The following EML5 variants were observed in gnomAD, a reference collection of about 807,000 sequenced individuals.
EML5 encodes the protein EMAP like 5.
A neutral mutation model predicts 250.0 loss-of-function variants in EML5; 120 were observed. That is an observed-to-expected ratio of 0.48 (90% CI 0.41 to 0.56). EML5 has a LOEUF of 0.56. Ranked by LOEUF, EML5 falls within the 20% of genes least tolerant of loss-of-function variation. The pLI is 0.00. For synonymous variants in EML5, 771 were observed against 806.5 expected, an observed-to-expected ratio of 0.96 and a Z score of 0.75; for missense variants, 2,006 against 2,437.6, an observed-to-expected ratio of 0.82 and a Z score of 3.73.
intron 13 of EML5, among the ~76,000 whole-genome samples, chr14:88,703,969 T>C (rs1595586329): frequency 6.6e-6 from 1 of 152,356 alleles, no homozygotes; most frequent in East Asian, 1.9e-4. Flanking sequence ...GTGCTTATTA[T>C]GTGCCACATA....
intron 17 of EML5, among the ~76,000 whole-genome samples, chr14:88,690,067 A>T (rs76238189): frequency 0.012 from 1,773 of 152,252 alleles, 35 homozygotes; most frequent in African/African-American, 0.041. Flanking sequence ...AGAGTGTTCC[A>T]GGCAGAGGGA....
intron 1 of EML5, among the ~76,000 whole-genome samples, chr14:88,766,213 A>G (rs1247710429): frequency 6.6e-6 from 1 of 152,224 alleles, no homozygotes; most frequent in African/African-American, 2.4e-5. Flanking sequence ...GCACCTTGAA[A>G]AAAGAACAGG....
intron 2 of EML5, among the ~76,000 whole-genome samples, chr14:88,752,081 T>A (rs966811847): frequency 6.6e-6 from 1 of 152,162 alleles, no homozygotes; most frequent in South Asian, 2.1e-4. Flanking sequence ...TAATATGTTC[T>A]CATGAAGATC....
chr14:88,665,209 A>G, intron 22 of EML5, 128 bp downstream of exon 22: 1 of 996,920 alleles, frequency 1.0e-6, no homozygotes, highest in Non-Finnish European at 1.4e-6. Context: ...ACCTCTTGCT[A>G]CACTGCCTCT....
chr14:88,681,904 C>T lies in EML5; in HGVS notation c.3110G>A (p.Arg1037Gln), dbSNP rs760528994. 8.7e-6 allele frequency: 14 copies of T among 1,606,474 alleles called. No homozygotes were observed. Among genetic ancestry groups the T allele is most frequent in the Non-Finnish European group, 1.1e-5 (13 of 1,177,124 alleles). The change falls in exon 21 of 44, where the codon CGG becomes CAG. Residue 1037 changes from arginine (R) to glutamine (Q), a missense_variant. Physicochemically the swap from Arg to Gln is conservative, Grantham distance 43 (BLOSUM62 1). Around this residue, in one of 7 missense-constraint regions of EML5, gnomAD observed 1,375 missense variants for 1,590.3 expected, o/e 0.86. Transcript: ENST00000554922. ...GAGCCTCTTACCCTTTTTCAGCTTCCGGACAGCCAACATACAATGACTAGG... is the reference window on the plus strand; with the variant it reads ...GAGCCTCTTACCCTTTTTCAGCTTCTGGACAGCCAACATACAATGACTAGG... ...LSPSHCMLAV[R>Q]KLKKGGRCCC...
At chr14:88,632,819 C>A (rs1407779072) in intron 33 of EML5, among the ~76,000 whole-genome samples, 2 of 152,322 alleles carry the variant, frequency 1.3e-5, no homozygotes, top group East Asian at 3.9e-4. Context: ...ATGTGACCAA[C>A]CCCCAATAAA....
chr14:88,750,619 T>C (rs2094079095), intron 2 of EML5, among the ~76,000 whole-genome samples: 1 of 152,136 alleles, frequency 6.6e-6, no homozygotes, highest in Non-Finnish European at 1.5e-5. Context: ...AAATGAGAAA[T>C]GCCATCTAGT....
intron 10 of EML5, among the ~76,000 whole-genome samples, chr14:88,711,706 G>T (rs1424700084): frequency 6.6e-6 from 1 of 152,064 alleles, no homozygotes; most frequent in African/African-American, 2.4e-5. Flanking sequence ...TACTCTGGGA[G>T]GCTGACGTGG....
chr14:88,687,979 G>T (rs2092875189), intron 18 of EML5, among the ~76,000 whole-genome samples: 2 of 152,196 alleles, frequency 1.3e-5, no homozygotes, highest in African/African-American at 2.4e-5. Flanking sequence ...GCTGAGGCAG[G>T]AGGATTTCTT....
intron 35 of EML5, 26 bp downstream of exon 35, chr14:88,626,812 C>T (rs766226817): frequency 6.2e-7 from 1 of 1,611,350 alleles, no homozygotes; most frequent in Non-Finnish European, 8.5e-7. Context: ...GTCAAAGTCA[C>T]ACTATGTGCA....
At chr14:88,700,948 T>C (rs2093195811) in intron 14 of EML5, among the ~76,000 whole-genome samples, 1 of 152,152 alleles carries the variant, frequency 6.6e-6, no homozygotes, top group Non-Finnish European at 1.5e-5. Context: ...GTTCTTTAAA[T>C]AAGCTGGGTT....
At chr14:88,646,368 T>C (rs1235685501) in intron 29 of EML5, among the ~76,000 whole-genome samples, 1 of 152,178 alleles carries the variant, frequency 6.6e-6, no homozygotes, top group Admixed American at 6.5e-5. Flanking sequence ...ATATAAACAA[T>C]GTTTTCAAAC....
In EML5 at chr14:88,690,501, T is replaced by C. The variant is rs190370578; in HGVS notation, c.2540-2028A>G. Among the ~76,000 whole-genome samples, 3 of 152,284 alleles carry C rather than the reference T, an allele frequency of 2.0e-5. No individual in the cohort carries two copies. In the East Asian group the frequency reaches 5.8e-4, roughly 29 times the overall value. On this transcript the variant is annotated intron_variant, in intron 17 of 43. Coordinates refer to ENST00000554922, the MANE Select transcript of EML5 (RefSeq NM_183387.3). ...TTCTCAACATAGAAGGCAGAGTCAT[T>C]AGTGACCTTGTAAGAGCAGCTGGGT...
intron 1 of EML5, among the ~76,000 whole-genome samples, chr14:88,772,711 C>A (rs1280220514): frequency 6.6e-6 from 1 of 151,996 alleles, no homozygotes; most frequent in Non-Finnish European, 1.5e-5. Flanking sequence ...CGAGATCCTG[C>A]CACTGCACTC....
intron 1 of EML5, among the ~76,000 whole-genome samples, chr14:88,758,140 A>T (rs1256776143): frequency 6.6e-6 from 1 of 151,370 alleles, no homozygotes; most frequent in Non-Finnish European, 1.5e-5. Context: ...TACAGGCATG[A>T]GCCACTGCTC....
chr14:88,676,911 T>C (rs960092717), intron 21 of EML5, among the ~76,000 whole-genome samples: 1 of 152,154 alleles, frequency 6.6e-6, no homozygotes, highest in African/African-American at 2.4e-5. Flanking sequence ...TTTGTTTGTT[T>C]GTATTTTTTC....
chr14:88,621,810 T>C, intron 37 of EML5: 1 of 436,620 alleles, frequency 2.3e-6, no homozygotes, highest in Non-Finnish European at 4.6e-6. Flanking sequence ...TAATTATACA[T>C]ATCTATAGGG....
At chr14:88,681,784 C>T in intron 21 of EML5, 106 bp downstream of exon 21, 2 of 1,221,406 alleles carry the variant, frequency 1.6e-6, no homozygotes, top group South Asian at 3.9e-5. Flanking sequence ...AATATTTCAA[C>T]ATATTTAAAG....
intron 29 of EML5, among the ~76,000 whole-genome samples, chr14:88,645,074 T>A (rs753378681): frequency 3.9e-5 from 6 of 151,950 alleles, no homozygotes; most frequent in Non-Finnish European, 8.8e-5. Flanking sequence ...TCACCCAGGC[T>A]GGAGTGCCGT....
Sources: allele counts gnomAD v4.1 joint callset (sites outside exome capture counted in the v4.1 genomes callset), GRCh38; gene constraint gnomAD v4.1.1; regional missense constraint gnomAD v4.1.1; transcripts MANE v1.5; gene names NCBI Gene and HGNC (gene_info 2026-07-23, HGNC 2026-07-21).